The following ERBB4 variants were observed in gnomAD, a reference collection of about 807,000 sequenced individuals.
ERBB4 encodes the protein receptor tyrosine-protein kinase erbB-4.
ERBB4 carries 42 observed loss-of-function variants against 158.0 expected under a neutral mutation model. The ratio of observed to expected loss-of-function variants is 0.27; its 90% CI spans 0.21 to 0.34. ERBB4 has a LOEUF of 0.34. ERBB4 is among the 10% of genes least tolerant of loss of function. The pLI is 1.00. For synonymous variants in ERBB4, 583 were observed against 558.7 expected, an observed-to-expected ratio of 1.04 and a Z score of -0.61; for missense variants, 1,333 against 1,624.1, an observed-to-expected ratio of 0.82 and a Z score of 3.08.
chr2:212,371,096 T>G (rs73056506), intron 1 of ERBB4, among the ~76,000 whole-genome samples: 3,791 of 152,284 alleles, frequency 0.025, 174 homozygotes, highest in African/African-American at 0.086. Flanking sequence ...CTGTTTCTTG[T>G]GTGTACCATC....
chr2:212,302,664 T>C (rs1487248715), intron 1 of ERBB4, among the ~76,000 whole-genome samples: 1 of 151,502 alleles, frequency 6.6e-6, no homozygotes, highest in East Asian at 1.9e-4. Context: ...AAGAAAGAGA[T>C]GAATGGCTCT....
intron 2 of ERBB4, among the ~76,000 whole-genome samples, chr2:212,024,245 T>C (rs935834763): frequency 3.9e-5 from 6 of 152,066 alleles, no homozygotes; most frequent in African/African-American, 1.4e-4. Flanking sequence ...GGCTCTTTCA[T>C]TCTATACCTC....
At chr2:211,658,389 A>AC (rs1488906233) in intron 15 of ERBB4, among the ~76,000 whole-genome samples, 4 of 151,812 alleles carry the variant, frequency 2.6e-5, no homozygotes, top group Non-Finnish European at 5.9e-5. Context: ...ATAAAAAAAA[A>AC]ACAATAAGAA....
intron 3 of ERBB4, among the ~76,000 whole-genome samples, chr2:211,798,976 A>C (rs2076441829): frequency 6.6e-6 from 1 of 152,118 alleles, no homozygotes; most frequent in Non-Finnish European, 1.5e-5. Flanking sequence ...CTGTGACAGC[A>C]TTTAGAGCTG....
intron 17 of ERBB4, among the ~76,000 whole-genome samples, chr2:211,628,783 C>G (rs1013166953): frequency 1.3e-5 from 2 of 152,188 alleles, no homozygotes; most frequent in Non-Finnish European, 2.9e-5. Flanking sequence ...TACAGTCCCA[C>G]CAACAGTGTA....
Position 212,003,200 on chromosome 2 carries a change from AGAAAGACAGAAAGAAG to A in ERBB4, c.235-55600_235-55585del, listed in dbSNP as rs1443530654. Among the ~76,000 whole-genome samples, 137 of 58,602 alleles carry A rather than the reference AGAAAGACAGAAAGAAG, an allele frequency of 2.3e-3. 5 individuals carry two copies. Among genetic ancestry groups the A allele is most frequent in the Admixed American group, 8.3e-3 (42 of 5,058 alleles). The allele number at this position is 58,602 out of a possible 152,430, so 38.4% of individuals were successfully genotyped here. A position where few individuals can be genotyped will look rare whatever the true frequency, so the allele number is the denominator to read the frequency against. On this transcript the variant is annotated intron_variant, in intron 2 of 27. Coordinates refer to ENST00000342788, the MANE Select transcript of ERBB4 (RefSeq NM_005235.3). ...AAGAAAGAAAGAAAGAAAGAAAGAA[AGAAAGACAGAAAGAAG>A]GAAGGAAGGAAGGAAGGAAGGAAGG...
intron 20 of ERBB4, among the ~76,000 whole-genome samples, chr2:211,464,982 CTTTT>C (rs1176092000): frequency 2.8e-4 from 6 of 21,350 alleles, no homozygotes; most frequent in Non-Finnish European, 1.1e-3. Flanking sequence ...TTTTTTTTTT[CTTTT>C]TTTTTTTTTT....
At chr2:212,167,140 T>C (rs1422757407) in intron 1 of ERBB4, among the ~76,000 whole-genome samples, 1 of 152,086 alleles carries the variant, frequency 6.6e-6, no homozygotes, top group East Asian at 1.9e-4. Flanking sequence ...GAAACTATCA[T>C]CAGAGTGAAC....
chr2:211,942,700 C>T (rs2080538916), intron 3 of ERBB4, among the ~76,000 whole-genome samples: 1 of 151,996 alleles, frequency 6.6e-6, no homozygotes, highest in Non-Finnish European at 1.5e-5. Flanking sequence ...ATTACAATGT[C>T]CGTAAAATAT....
At chr2:212,274,457 C>T (rs549632596) in intron 1 of ERBB4, among the ~76,000 whole-genome samples, 7 of 151,878 alleles carry the variant, frequency 4.6e-5, no homozygotes, top group African/African-American at 7.2e-5. Flanking sequence ...ATTAGCATCA[C>T]ATGGCATGTT....
chr2:211,454,565 A>G (rs2064331496), intron 20 of ERBB4, among the ~76,000 whole-genome samples: 1 of 152,150 alleles, frequency 6.6e-6, no homozygotes, highest in South Asian at 2.1e-4. Context: ...CTCTCTTTAA[A>G]GTAATTTAGG....
At position 211,782,161 on chromosome 2, in the gene ERBB4, C is replaced by G. The variant is rs533277980; in HGVS notation, c.556+5864G>C. Among the ~76,000 whole-genome samples the G allele has an allele frequency of 2.0e-5, 3 of 152,220 alleles. No homozygotes were observed. The East Asian group carries it at 5.8e-4, about 29-fold the overall frequency. ...AGTACTTTTCACTCAGGCCTTCCCA[C>G]CCCTCTCTCCTTCAAGCTTCCAGGT... On this transcript the variant is annotated intron_variant, in intron 4 of 27. Transcript: ENST00000342788.
chr2:212,352,786 T>C (rs1426549856), intron 1 of ERBB4, among the ~76,000 whole-genome samples: 1 of 152,134 alleles, frequency 6.6e-6, no homozygotes, highest in African/African-American at 2.4e-5. Flanking sequence ...GAGAATCATT[T>C]GAACCTGGGA....
At chr2:211,886,790 C>T (rs1575318164) in intron 3 of ERBB4, among the ~76,000 whole-genome samples, 1 of 152,162 alleles carries the variant, frequency 6.6e-6, no homozygotes, top group Non-Finnish European at 1.5e-5. Flanking sequence ...GCAGACTGTC[C>T]TATTACTTGT....
At chr2:212,237,936 C>T (rs758325335) in intron 1 of ERBB4, among the ~76,000 whole-genome samples, 1 of 152,198 alleles carries the variant, frequency 6.6e-6, no homozygotes, top group African/African-American at 2.4e-5. Context: ...CCCAACAAAG[C>T]TCAAGTGTCC....
rs1300931438 is a variant in ERBB4, at chr2:211,503,658, T to TGCTTCTTGG, written c.2487+58236_2487+58244dup. 2.6e-5 allele frequency among the ~76,000 whole-genome samples: 4 copies of TGCTTCTTGG among 152,278 alleles called. No individual in the cohort carries two copies. The South Asian group carries it at 6.2e-4, about 24-fold the overall frequency. The stretch of plus-strand genomic sequence containing the variant: ...CAGAATTAGCCTAACGGGTCAGGCC[T>TGCTTCTTGG]GCTTCTTGGGCTGGATGCTGGAAGG... On this transcript the variant is annotated intron_variant, in intron 20 of 27. Transcript: ENST00000342788.
chr2:211,803,483 C>T (rs1334176234), intron 3 of ERBB4, among the ~76,000 whole-genome samples: 2 of 152,046 alleles, frequency 1.3e-5, no homozygotes, highest in Non-Finnish European at 2.9e-5. Context: ...TAAGGTGAGA[C>T]AGGTATAAGG....
At position 212,254,449 on chromosome 2, in the gene ERBB4, C is replaced by T. The variant is rs1001748738; in HGVS notation, c.83-129546G>A. On this transcript the variant is annotated intron_variant, in intron 1 of 27. Transcript: ENST00000342788. ...CCTGTAAGTGGCAATGAACATTTTG[C>T]TATGACTATGCTGTGCTGTTTTCCC... 2.0e-5 allele frequency among the ~76,000 whole-genome samples: 3 copies of T among 152,272 alleles called. No homozygotes were observed. The South Asian group carries it at 6.2e-4, about 32-fold the overall frequency.
At chr2:211,530,625 C>T (rs562745896) in intron 20 of ERBB4, among the ~76,000 whole-genome samples, 1 of 152,190 alleles carries the variant, frequency 6.6e-6, no homozygotes, top group South Asian at 2.1e-4. Context: ...CAGAGTCGTT[C>T]ACACCTGTAA....
Sources: allele counts gnomAD v4.1 joint callset (sites outside exome capture counted in the v4.1 genomes callset), GRCh38; gene constraint gnomAD v4.1.1; transcripts MANE v1.5; gene names NCBI Gene and HGNC (gene_info 2026-07-23, HGNC 2026-07-21).